ARHGAP6: variants seen among roughly 807,000 people sequenced by gnomAD.
The protein encoded by ARHGAP6 is rho GTPase-activating protein 6.
Under a neutral mutation model 55.7 loss-of-function variants are expected in ARHGAP6, and 16 were observed. The ratio of observed to expected loss-of-function variants is 0.29; its 90% CI spans 0.19 to 0.44. The LOEUF (loss-of-function observed/expected upper bound fraction) is 0.44. Among genes scored for constraint, ARHGAP6 ranks in the 20% least tolerant of loss-of-function variants. The pLI is 1.00. For missense variants in ARHGAP6, 698 were observed against 808.9 expected (o/e 0.86, Z 1.66); for synonymous variants, 382 against 360.9 (o/e 1.06, Z -0.66).
intron 1 of ARHGAP6, among the ~76,000 whole-genome samples, chrX:11,447,501 A>T (rs2050102928): frequency 8.9e-6 from 1 of 112,210 alleles, no homozygotes; most frequent in African/African-American, 3.2e-5. Context: ...ACACAGCCAC[A>T]ACTCATTCAT....
chrX:11,361,125 A>C lies in ARHGAP6; in HGVS notation c.589-106418T>G, dbSNP rs1451851939. Among the ~76,000 whole-genome samples the C allele has an allele frequency of 9.2e-5, 10 of 108,950 alleles. No homozygotes were observed. In the East Asian group the frequency reaches 2.3e-3, roughly 25 times the overall value. The allele number at this position is 108,950 out of a possible 115,157, so 94.6% of individuals were successfully genotyped here. A position where few individuals can be genotyped will look rare whatever the true frequency, so the allele number is the denominator to read the frequency against. Reference sequence around the variant, plus strand: ...TGCCATCCCCATCAAGCTACCAATGACTTTCTTCACAGAATTGGAAAAAAC... The same window carrying C: ...TGCCATCCCCATCAAGCTACCAATGCCTTTCTTCACAGAATTGGAAAAAAC... On this transcript the variant is annotated intron_variant, in intron 1 of 12. Coordinates refer to ENST00000337414, the MANE Select transcript of ARHGAP6 (RefSeq NM_013427.3).
intron 1 of ARHGAP6, among the ~76,000 whole-genome samples, chrX:11,369,283 G>A (rs1313683172): frequency 9.0e-6 from 1 of 111,048 alleles, no homozygotes; most frequent in Non-Finnish European, 1.9e-5. Flanking sequence ...CTAGGGCCAT[G>A]CTTTTCAAAT....
At chrX:11,516,622 A>G (rs1424995590) in intron 1 of ARHGAP6, among the ~76,000 whole-genome samples, 1 of 112,405 alleles carries the variant, frequency 8.9e-6, no homozygotes, top group Non-Finnish European at 1.9e-5. Context: ...CGTTGTAGCA[A>G]TACTCAACAT....
At chrX:11,571,378 A>G (rs1451824196) in intron 1 of ARHGAP6, among the ~76,000 whole-genome samples, 3 of 111,053 alleles carry the variant, frequency 2.7e-5, no homozygotes, top group Non-Finnish European at 5.7e-5. Context: ...GAATTCAGGC[A>G]ATTCACTTAA....
intron 1 of ARHGAP6, among the ~76,000 whole-genome samples, chrX:11,532,900 G>A (rs780722685): frequency 6.3e-5 from 7 of 111,523 alleles, no homozygotes; most frequent in Non-Finnish European, 1.1e-4. Context: ...AAGATGGGAG[G>A]AGCATGGATC....
chrX:11,187,325 C>T (rs2046398312), intron 4 of ARHGAP6, among the ~76,000 whole-genome samples: 3 of 111,067 alleles, frequency 2.7e-5, no homozygotes, highest in Admixed American at 9.6e-5. Context: ...GGGCACCAGT[C>T]GCATTTGCCG....
At chrX:11,365,265 T>C (rs1369980607) in intron 1 of ARHGAP6, among the ~76,000 whole-genome samples, 2 of 112,005 alleles carry the variant, frequency 1.8e-5, no homozygotes, top group Non-Finnish European at 3.8e-5. Context: ...TGACATTCTG[T>C]ATGGTACCCA....
chrX:11,351,047 TACACACACAC>T (rs35026703), intron 1 of ARHGAP6, among the ~76,000 whole-genome samples: 4 of 87,965 alleles, frequency 4.5e-5, no homozygotes, highest in African/African-American at 1.3e-4. Context: ...ATATTCAAAT[TACACACACAC>T]ACACACACAC....
chrX:11,351,499 G>A lies in ARHGAP6; in HGVS notation c.589-96792C>T, dbSNP rs956543341. 50 of 941,651 alleles carry A rather than the reference G, an allele frequency of 5.3e-5. 1 individual carries two copies. The highest frequency in any genetic ancestry group is 2.4e-4 in the East Asian group (3 of 12,729). The allele number at this position is 941,651 out of a possible 1,213,427, so 77.6% of individuals were successfully genotyped here. On this transcript the variant is annotated intron_variant, in intron 1 of 12. Coordinates refer to ENST00000337414, the MANE Select transcript of ARHGAP6 (RefSeq NM_013427.3). ...TTCCTCTAGGATTCCCCTCCATCTC[G>A]TCCTGCTGGATAGTGGCGTTGGAAG...
intron 1 of ARHGAP6, among the ~76,000 whole-genome samples, chrX:11,592,345 C>T (rs980309087): frequency 8.9e-6 from 1 of 112,021 alleles, no homozygotes; most frequent in Non-Finnish European, 1.9e-5. Flanking sequence ...TGTTGTGGTT[C>T]TTTGTGTGCC....
intron 3 of ARHGAP6, among the ~76,000 whole-genome samples, chrX:11,191,184 T>C (rs1041044005): frequency 8.9e-6 from 1 of 112,653 alleles, no homozygotes; most frequent in South Asian, 3.6e-4. Context: ...GGGCTTAGAA[T>C]GGCTAGGATG....
intron 1 of ARHGAP6, among the ~76,000 whole-genome samples, chrX:11,434,690 G>A (rs1220674238): frequency 9.0e-6 from 1 of 111,368 alleles, no homozygotes; most frequent in African/African-American, 3.3e-5. Context: ...TCTATCTTGT[G>A]ATAATGATAG....
intron 1 of ARHGAP6, among the ~76,000 whole-genome samples, chrX:11,495,097 C>T (rs1481415946): frequency 8.9e-6 from 1 of 111,854 alleles, no homozygotes; most frequent in Admixed American, 9.5e-5. Context: ...AATGTTTGAG[C>T]CAAGTAAAGA....
intron 1 of ARHGAP6, among the ~76,000 whole-genome samples, chrX:11,446,023 A>C (rs2050088925): frequency 8.9e-6 from 1 of 111,770 alleles, no homozygotes; most frequent in African/African-American, 3.3e-5. Context: ...CAGTTGCTTC[A>C]AGCAGAGGGT....
chrX:11,154,623 ATATGT>A (rs1270976632), intron 10 of ARHGAP6, among the ~76,000 whole-genome samples: 2 of 112,145 alleles, frequency 1.8e-5, no homozygotes, highest in Non-Finnish European at 3.8e-5. Flanking sequence ...AGTACCAACC[ATATGT>A]TATAAGTGCA....
At chrX:11,227,202 C>G (rs183034041) in intron 2 of ARHGAP6, among the ~76,000 whole-genome samples, 2 of 111,660 alleles carry the variant, frequency 1.8e-5, no homozygotes, top group East Asian at 2.8e-4. Context: ...ATAGAAGTCA[C>G]GAGAAGAGAA....
At chrX:11,603,324 A>G (rs995230551) in intron 1 of ARHGAP6, among the ~76,000 whole-genome samples, 1 of 112,164 alleles carries the variant, frequency 8.9e-6, no homozygotes, top group African/African-American at 3.2e-5. Flanking sequence ...TGAGCATTTC[A>G]GTCCTAATTT....
intron 8 of ARHGAP6, among the ~76,000 whole-genome samples, chrX:11,177,687 G>C (rs2046252341): frequency 9.0e-6 from 1 of 111,649 alleles, no homozygotes; most frequent in African/African-American, 3.3e-5. Flanking sequence ...AGAATAAAGA[G>C]GTGACATCAT....
At chrX:11,544,806 T>C (rs2051195937) in intron 1 of ARHGAP6, among the ~76,000 whole-genome samples, 1 of 112,382 alleles carries the variant, frequency 8.9e-6, no homozygotes, top group African/African-American at 3.2e-5. Flanking sequence ...TCAAACATTT[T>C]AGCAAATGAA....
Sources: allele counts gnomAD v4.1 joint callset (sites outside exome capture counted in the v4.1 genomes callset), GRCh38; gene constraint gnomAD v4.1.1; transcripts MANE v1.5; gene names NCBI Gene and HGNC (gene_info 2026-07-23, HGNC 2026-07-21).